The following ZNF415 variants were observed in gnomAD, a reference collection of about 807,000 sequenced individuals.
ZNF415 encodes zinc finger protein 415.
ZNF415 carries 5 observed loss-of-function variants against 7.3 expected under a neutral mutation model. The observed-to-expected ratio is 0.69, with a 90% confidence interval of 0.36 to 1.44. The LOEUF (loss-of-function observed/expected upper bound fraction) is 1.44. ZNF415 is among the 40% of genes most tolerant of loss of function. The pLI is 0.04. For missense variants in ZNF415, 628 were observed against 664.8 expected (o/e 0.94, Z 0.61); for synonymous variants, 207 against 226.3 (o/e 0.91, Z 0.77).
rs758808430 is a variant in ZNF415 at position 53,108,589 on chromosome 19, G to A, written c.1456C>T (p.His486Tyr). 3 of 1,614,164 alleles carry A rather than the reference G, an allele frequency of 1.9e-6. No individual in the cohort carries two copies. Among genetic ancestry groups the A allele is most frequent in the East Asian group, 4.5e-5 (2 of 44,870 alleles). The change falls in exon 4 of 4, where the codon CAT becomes TAT. Residue 486 changes from histidine to tyrosine, a missense_variant. Transcript: ENST00000243643. Reference sequence around the variant, plus strand: ...TTTTCTCCAGTATGGATGACCTGATGGGTAGTTAGGCTTGAATGCACACTG... The same window carrying A: ...TTTTCTCCAGTATGGATGACCTGATAGGTAGTTAGGCTTGAATGCACACTG... ...GFSVHSSLTTHQVIHTGEKPY... is the reference protein window; with the variant it reads ...GFSVHSSLTTYQVIHTGEKPY...
In ZNF415 at chr19:53,122,681, G is replaced by A. The variant is rs1555789254; in HGVS notation, c.-5C>T. On this transcript the variant is annotated 5_prime_UTR_variant, in exon 2 of 4. It introduces an in-frame stop codon into an upstream open reading frame of the 5' UTR. Coordinates refer to ENST00000243643, the MANE Select transcript of ZNF415 (RefSeq NM_018355.4). ...CTTTACCTGAGTAAAAGCCATTCCTGACTCCTTTGCTCTCCTCTTCTGGGT... is the reference window on the plus strand; with the variant it reads ...CTTTACCTGAGTAAAAGCCATTCCTAACTCCTTTGCTCTCCTCTTCTGGGT... 6.2e-7 allele frequency: 1 copy of A among 1,614,122 alleles called. No homozygotes were observed. The highest frequency in any genetic ancestry group is 8.5e-7 in the Non-Finnish European group (1 of 1,180,014).
At chr19:53,116,185 C>G in intron 3 of ZNF415, 128 bp downstream of exon 3, 1 of 1,105,666 alleles carries the variant, frequency 9.0e-7, no homozygotes, top group Non-Finnish European at 1.3e-6. Flanking sequence ...CATTATGGAG[C>G]TTTTCATTTC....
At chr19:53,122,240 C>G (rs564970742) in intron 2 of ZNF415, among the ~76,000 whole-genome samples, 2 of 152,114 alleles carry the variant, frequency 1.3e-5, no homozygotes, top group African/African-American at 4.8e-5. Context: ...GAATGAAACT[C>G]CATCTCAAAA....
intron 1 of ZNF415, among the ~76,000 whole-genome samples, chr19:53,132,106 T>C (rs935472563): frequency 1.3e-5 from 2 of 152,210 alleles, no homozygotes; most frequent in African/African-American, 2.4e-5. Flanking sequence ...CTCTCCCTGC[T>C]ACTTTCTCGG....
chr19:53,112,869 A>T (rs1469225536), intron 3 of ZNF415, among the ~76,000 whole-genome samples: 1 of 151,120 alleles, frequency 6.6e-6, no homozygotes, highest in East Asian at 2.0e-4. Flanking sequence ...GGTGGATCAC[A>T]TGAGGTCGAG....
chr19:53,121,392 A>C (rs1281806377), intron 2 of ZNF415, among the ~76,000 whole-genome samples: 1 of 151,978 alleles, frequency 6.6e-6, no homozygotes, highest in Non-Finnish European at 1.5e-5. Flanking sequence ...CTCAAAAAAA[A>C]AAAAAAAAAG....
In ZNF415 at chr19:53,115,680, C is replaced by T. The variant is rs1169600944; in HGVS notation, c.136+633G>A. 3 of 1,515,114 alleles carry T rather than the reference C, an allele frequency of 2.0e-6. No individual in the cohort carries two copies. The African/African-American group carries it at 4.1e-5, about 21-fold the overall frequency. 93.9% of individuals were successfully genotyped at this position (1,515,114 alleles called of 1,614,324 possible). ...AAACATAGTGTAATGGTGTGGCTTC[C>T]TCTCCCCTCATCTGAGGTCTTACCT... On this transcript the variant is annotated intron_variant, in intron 3 of 3. Transcript: ENST00000243643.
chr19:53,119,934 A>T (rs1464566681), intron 2 of ZNF415, among the ~76,000 whole-genome samples: 1 of 152,146 alleles, frequency 6.6e-6, no homozygotes, highest in Non-Finnish European at 1.5e-5. Context: ...CTGGGACCAA[A>T]TGGCTTCACT....
chr19:53,128,572 G>C lies in ZNF415; in HGVS notation c.-68+4284C>G, dbSNP rs186765664. Among the ~76,000 whole-genome samples, 49 of 110,134 alleles carry C rather than the reference G, an allele frequency of 4.4e-4. 4 individuals are homozygous for C. The highest frequency in any genetic ancestry group is 5.3e-4 in the Non-Finnish European group (26 of 48,612). The allele number at this position is 110,134 out of a possible 152,430, so 72.3% of individuals were successfully genotyped here. A position where few individuals can be genotyped will look rare whatever the true frequency, so the allele number is the denominator to read the frequency against. On this transcript the variant is annotated intron_variant, in intron 1 of 3. Coordinates refer to ENST00000243643, the MANE Select transcript of ZNF415 (RefSeq NM_018355.4). ...TCACCTGCTGGAAGGCAAAGCCCCT[G>C]CCCAGGATGGCCACTGGGCCCCGCT...
intron 2 of ZNF415, among the ~76,000 whole-genome samples, chr19:53,119,142 TGTG>T (rs2087545414): frequency 6.6e-6 from 1 of 151,148 alleles, no homozygotes; most frequent in Non-Finnish European, 1.5e-5. Flanking sequence ...ATTAGCTGGG[TGTG>T]GTGGTGGGCG....
At chr19:53,122,145 C>A (rs34110457) in intron 2 of ZNF415, among the ~76,000 whole-genome samples, 3,208 of 152,102 alleles carry the variant, frequency 0.021, 106 homozygotes, top group African/African-American at 0.072. Flanking sequence ...ACTCGGGACG[C>A]TGAGGCAGGA....
At chr19:53,115,818 A>G in intron 3 of ZNF415, 3 of 1,544,476 alleles carry the variant, frequency 1.9e-6, no homozygotes, top group Non-Finnish European at 2.6e-6. Flanking sequence ...TACTCTGGTC[A>G]GGAAGAGAAT....
intron 1 of ZNF415, among the ~76,000 whole-genome samples, chr19:53,127,964 G>A (rs991474564): frequency 4.6e-5 from 7 of 151,798 alleles, no homozygotes; most frequent in East Asian, 3.9e-4. Context: ...ATAAACCCAC[G>A]TCCATGTGCT....
In ZNF415 at chr19:53,115,438, G is replaced by A. The variant is rs1601097158; in HGVS notation, c.136+875C>T. 1.0e-5 allele frequency: 5 copies of A among 476,796 alleles called. No individual in the cohort carries two copies. The East Asian group carries it at 1.8e-4, about 18-fold the overall frequency. The allele number at this position is 476,796 out of a possible 1,614,324, so 29.5% of individuals were successfully genotyped here. Reference sequence around the variant, plus strand: ...GACCCCTCAGAGTGAAGGAGCCAGAGAGTTCACGGAAGTCAGAGGGCAATG... The same window carrying A: ...GACCCCTCAGAGTGAAGGAGCCAGAAAGTTCACGGAAGTCAGAGGGCAATG... On this transcript the variant is annotated intron_variant, in intron 3 of 3. Coordinates refer to ENST00000243643, the MANE Select transcript of ZNF415 (RefSeq NM_018355.4).
At chr19:53,119,938 C>T (rs1568575603) in intron 2 of ZNF415, among the ~76,000 whole-genome samples, 1 of 152,084 alleles carries the variant, frequency 6.6e-6, no homozygotes, top group African/African-American at 2.4e-5. Flanking sequence ...GACCAAATGG[C>T]TTCACTGCCG....
At chr19:53,125,655 T>C (rs1167114489) in intron 1 of ZNF415, among the ~76,000 whole-genome samples, 1 of 150,386 alleles carries the variant, frequency 6.6e-6, no homozygotes, top group Non-Finnish European at 1.5e-5. Context: ...ATTTTAAAAA[T>C]AAACTGGAGC....
intron 1 of ZNF415, among the ~76,000 whole-genome samples, chr19:53,132,181 T>C (rs927054710): frequency 3.9e-5 from 6 of 152,240 alleles, no homozygotes; most frequent in African/African-American, 1.2e-4. Context: ...CATCTGTTTA[T>C]TGGTTTGCCT....
At chr19:53,116,579 A>C in intron 2 of ZNF415, 146 bp from the exon 3 acceptor site, 2 of 1,059,808 alleles carry the variant, frequency 1.9e-6, no homozygotes, top group Non-Finnish European at 2.7e-6. Context: ...ATTTTTGAGT[A>C]CATATCTCTC....
chr19:53,120,069 GA>G (rs971184093), intron 2 of ZNF415, among the ~76,000 whole-genome samples: 9 of 143,830 alleles, frequency 6.3e-5, no homozygotes, highest in Non-Finnish European at 1.1e-4. Flanking sequence ...AACCAGAAAA[GA>G]AAAAAAAAAG....
Sources: gnomAD v4.1 joint callset for allele counts (sites outside exome capture counted in the v4.1 genomes callset) on GRCh38, gnomAD v4.1.1 for gene constraint, MANE v1.5 for transcripts, NCBI Gene and HGNC (gene_info 2026-07-23, HGNC 2026-07-21) for gene names.